The following TNFAIP8 variants were observed in gnomAD, a reference collection of about 807,000 sequenced individuals.
The protein encoded by TNFAIP8 is TNF alpha induced protein 8, also known as tumor necrosis factor alpha-induced protein 8.
Under a neutral mutation model 13.3 loss-of-function variants are expected in TNFAIP8, and 7 were observed. The ratio of observed to expected loss-of-function variants is 0.52; its 90% CI spans 0.30 to 0.99. TNFAIP8 has a LOEUF of 0.99. Among genes scored for constraint, TNFAIP8 ranks in the 50% least tolerant of loss-of-function variants. The pLI is 0.07. For missense variants in TNFAIP8, 258 were observed against 236.9 expected (o/e 1.09, Z -0.58); for synonymous variants, 94 against 87.6 (o/e 1.07, Z -0.41).
Position 119,397,557 on chromosome 5 carries a change from G to C in TNFAIP8, c.*4176G>C, listed in dbSNP as rs1753103735. 6.6e-6 allele frequency: 1 copy of C among 152,126 alleles called. No homozygotes were observed. The highest frequency in any genetic ancestry group is 2.4e-5 in the African/African-American group (1 of 41,438). 9.4% of individuals were successfully genotyped at this position (152,126 alleles called of 1,614,324 possible). A position where few individuals can be genotyped will look rare whatever the true frequency, so the allele number is the denominator to read the frequency against. On this transcript the variant is annotated 3_prime_UTR_variant, in exon 2 of 2. Coordinates refer to ENST00000504771, the MANE Select transcript of TNFAIP8 (RefSeq NM_014350.4). Reference sequence around the variant, plus strand: ...TAGGTGATTTGTTAAACTCATAGCAGGTTTTAGTACACAGTGCTGTTTATG... The same window carrying C: ...TAGGTGATTTGTTAAACTCATAGCACGTTTTAGTACACAGTGCTGTTTATG...
chr5:119,319,171 G>C (rs1241248329), intron 1 of TNFAIP8, among the ~76,000 whole-genome samples: 1 of 152,176 alleles, frequency 6.6e-6, no homozygotes, highest in Non-Finnish European at 1.5e-5. Context: ...CACTTTGGGA[G>C]GTGAAGGCGG....
At chr5:119,381,210 A>G (rs953665333) in intron 1 of TNFAIP8, among the ~76,000 whole-genome samples, 3 of 152,166 alleles carry the variant, frequency 2.0e-5, no homozygotes, top group East Asian at 1.9e-4. Context: ...GATACCTGCT[A>G]TATCTATCCT....
chr5:119,300,858 G>T (rs1454279523), intron 1 of TNFAIP8, among the ~76,000 whole-genome samples: 5 of 152,166 alleles, frequency 3.3e-5, no homozygotes, highest in African/African-American at 4.8e-5. Context: ...TGGAATCTAT[G>T]TGAGGTAGGT....
chr5:119,292,600 A>C (rs1283442172), intron 1 of TNFAIP8, among the ~76,000 whole-genome samples: 1 of 140,422 alleles, frequency 7.1e-6, no homozygotes, highest in Non-Finnish European at 1.5e-5. Flanking sequence ...AAAAACTGGA[A>C]ACAGCTCAAA....
intron 1 of TNFAIP8, among the ~76,000 whole-genome samples, chr5:119,333,862 T>C (rs1750462297): frequency 6.6e-6 from 1 of 152,128 alleles, no homozygotes; most frequent in Non-Finnish European, 1.5e-5. Flanking sequence ...GGTGGAAAAA[T>C]GACATTTAAA....
At chr5:119,273,751 C>T (rs1748360691) in intron 1 of TNFAIP8, among the ~76,000 whole-genome samples, 1 of 152,158 alleles carries the variant, frequency 6.6e-6, no homozygotes, top group Non-Finnish European at 1.5e-5. Context: ...GGCATGTCTT[C>T]AGGGGAAGTT....
intron 1 of TNFAIP8, among the ~76,000 whole-genome samples, chr5:119,281,369 A>G (rs1189605599): frequency 2.7e-5 from 4 of 148,826 alleles, no homozygotes; most frequent in Non-Finnish European, 6.0e-5. Context: ...ATACTTTGTG[A>G]GTTCATAATG....
intron 1 of TNFAIP8, among the ~76,000 whole-genome samples, chr5:119,315,833 G>A (rs2112679657): frequency 6.6e-6 from 1 of 152,284 alleles, no homozygotes; most frequent in South Asian, 2.1e-4. Flanking sequence ...TGCAGTTCCT[G>A]TGTGGGTCCT....
chr5:119,298,448 G>A (rs1353337117), intron 1 of TNFAIP8, among the ~76,000 whole-genome samples: 1 of 151,752 alleles, frequency 6.6e-6, no homozygotes, highest in Admixed American at 6.6e-5. Flanking sequence ...ACTCTCTTCT[G>A]GCTTGTAGAG....
chr5:119,374,432 A>G (rs1277843829), intron 1 of TNFAIP8, among the ~76,000 whole-genome samples: 1 of 152,230 alleles, frequency 6.6e-6, no homozygotes, highest in Non-Finnish European at 1.5e-5. Context: ...TTCCTCACAT[A>G]GATACAGCAT....
intron 1 of TNFAIP8, among the ~76,000 whole-genome samples, chr5:119,274,036 G>A (rs1748368836): frequency 1.3e-5 from 2 of 151,366 alleles, no homozygotes; most frequent in Admixed American, 1.3e-4. Flanking sequence ...GAGGTTTTTT[G>A]TTTGTTTGTT....
At chr5:119,313,418 T>G (rs1749792809) in intron 1 of TNFAIP8, among the ~76,000 whole-genome samples, 1 of 152,134 alleles carries the variant, frequency 6.6e-6, no homozygotes, top group African/African-American at 2.4e-5. Flanking sequence ...GGAGTAGGTT[T>G]TGCTTTCACT....
intron 1 of TNFAIP8, among the ~76,000 whole-genome samples, chr5:119,377,173 A>G (rs570687642): frequency 3.2e-4 from 49 of 152,194 alleles, no homozygotes; most frequent in African/African-American, 1.2e-3. Flanking sequence ...AGGCCAAGAC[A>G]GGAGGATTGC....
At chr5:119,342,122 G>A (rs1482333694) in intron 1 of TNFAIP8, among the ~76,000 whole-genome samples, 1 of 152,154 alleles carries the variant, frequency 6.6e-6, no homozygotes, top group Non-Finnish European at 1.5e-5. Context: ...TCCTCCAAGG[G>A]ATGTTTAGTG....
chr5:119,307,000 ATGC>A (rs1204619081), intron 1 of TNFAIP8, among the ~76,000 whole-genome samples: 1 of 152,214 alleles, frequency 6.6e-6, no homozygotes, highest in African/African-American at 2.4e-5. Flanking sequence ...GACTCTTAAG[ATGC>A]TATTGATTGG....
At chr5:119,271,330 G>C (rs911533035) in intron 1 of TNFAIP8, among the ~76,000 whole-genome samples, 1 of 152,180 alleles carries the variant, frequency 6.6e-6, no homozygotes, top group African/African-American at 2.4e-5. Flanking sequence ...TTAAAGTTGA[G>C]TCTGCCACAG....
intron 1 of TNFAIP8, chr5:119,306,716 G>A (rs1440139202): frequency 6.6e-6 from 1 of 152,090 alleles, no homozygotes; most frequent in African/African-American, 2.4e-5. Context: ...GGGATACCCT[G>A]TCCCAGTGAT....
upstream of TNFAIP8, among the ~76,000 whole-genome samples, chr5:119,351,026 GT>G (rs1562012691): frequency 5.6e-5 from 8 of 143,684 alleles, no homozygotes; most frequent in African/African-American, 2.1e-4. Context: ...GTGTGTGTGT[GT>G]GTGTGTGTAG....
intron 1 of TNFAIP8, among the ~76,000 whole-genome samples, chr5:119,376,063 C>T (rs142565224): frequency 6.9e-4 from 105 of 152,052 alleles, no homozygotes; most frequent in African/African-American, 2.5e-3. Flanking sequence ...ACACTTTCCA[C>T]CCAAAGAACA....
Sources: gnomAD v4.1 joint callset for allele counts (sites outside exome capture counted in the v4.1 genomes callset) on GRCh38, gnomAD v4.1.1 for gene constraint, MANE v1.5 for transcripts, NCBI Gene and HGNC (gene_info 2026-07-23, HGNC 2026-07-21) for gene names.